RNF212: variants seen among roughly 807,000 people sequenced by gnomAD.
RNF212 encodes the protein ring finger protein 212.
Under a neutral mutation model 34.7 loss-of-function variants are expected in RNF212, and 33 were observed. The ratio of observed to expected loss-of-function variants is 0.95; its 90% confidence interval spans 0.72 to 1.27. The LOEUF is 1.27. Among genes scored for constraint, RNF212 ranks in the 50% most tolerant of loss-of-function variants. The pLI is 0.00. For synonymous variants in RNF212, 140 were observed against 136.1 expected (o/e 1.03, Z -0.20); for missense variants, 377 against 362.2 (o/e 1.04, Z -0.33).
At chr4:1,056,419 C>T in exon 5 of RNF212, 1 of 671,696 alleles carries the variant, frequency 1.5e-6, no homozygotes, top group Non-Finnish European at 1.8e-6. Context: ...GGTGTCACTG[C>T]CCCAAGGTGA....
At chr4:1,084,330 T>A (rs1186217693) in intron 5 of RNF212, among the ~76,000 whole-genome samples, 1 of 152,208 alleles carries the variant, frequency 6.6e-6, no homozygotes, top group Non-Finnish European at 1.5e-5. Context: ...TGCAAAGGGC[T>A]AGCTAGTAAA....
chr4:1,061,221 C>A (rs1180608922), intron 3 of RNF212, among the ~76,000 whole-genome samples: 7 of 152,290 alleles, frequency 4.6e-5, no homozygotes, highest in African/African-American at 1.4e-4. Flanking sequence ...TGCTCCACCT[C>A]CCCCTACCCC....
intron 1 of RNF212, among the ~76,000 whole-genome samples, chr4:1,109,972 C>T (rs1406534460): frequency 6.6e-6 from 1 of 152,186 alleles, no homozygotes; most frequent in Non-Finnish European, 1.5e-5. Flanking sequence ...AAAACATCTA[C>T]CCTTGACAGT....
In RNF212 at chr4:1,072,233, G is replaced by A. The variant is rs1028170475; in HGVS notation, c.*641C>T. ...AGGGACCGTAAAAAGATCAGTGGCT[G>A]TCAAGGGTTGGTGGGAGGTGGGGGA... On this transcript the variant is annotated 3_prime_UTR_variant, in exon 10 of 10. Transcript: ENST00000433731. The A allele has an allele frequency of 1.3e-5, 2 of 152,008 alleles. No individual in the cohort carries two copies. The highest frequency in any genetic ancestry group is 2.4e-5 in the African/African-American group (1 of 41,230). The allele number at this position is 152,008 out of a possible 1,614,324, so 9.4% of individuals were successfully genotyped here. A position where few individuals can be genotyped will look rare whatever the true frequency, so the allele number is the denominator to read the frequency against.
At chr4:1,066,855 T>C (rs1043204224), downstream of RNF212, among the ~76,000 whole-genome samples, 1 of 152,196 alleles carries the variant, frequency 6.6e-6, no homozygotes, top group Middle Eastern at 3.2e-3. Context: ...TGGTATCATA[T>C]CCAGGAAATC....
At chr4:1,076,598 G>C (rs1443851318) in intron 8 of RNF212, among the ~76,000 whole-genome samples, 1 of 152,214 alleles carries the variant, frequency 6.6e-6, no homozygotes, top group Non-Finnish European at 1.5e-5. Flanking sequence ...CTCAGGCTGA[G>C]GGTTACCAGG....
intron 3 of RNF212, among the ~76,000 whole-genome samples, chr4:1,062,959 G>A (rs1184839792): frequency 1.3e-5 from 2 of 152,164 alleles, no homozygotes; most frequent in Non-Finnish European, 2.9e-5. Context: ...ATTTATAGTA[G>A]CACCAAAATA....
rs988356343 is a variant in RNF212 at position 1,056,409 on chromosome 4, G to C, written n.315C>G. 1.7e-5 allele frequency: 9 copies of C among 534,712 alleles called. No individual in the cohort carries two copies. The African/African-American group carries it at 1.9e-4, about 11-fold the overall frequency. The allele number at this position is 534,712 out of a possible 1,614,324, so 33.1% of individuals were successfully genotyped here. ...CGGGTGGCTGGGTGCTCATCTTTCA[G>C]GTGTCACTGCCCCAAGGTGAGCAGG... On this transcript the variant is annotated non_coding_transcript_exon_variant, in exon 5 of 5. Coordinates refer to the RNF212 transcript ENST00000503206.
rs559860091 is a variant in RNF212, at chr4:1,058,670, T to G, written n.148-277A>C. 4.6e-5 allele frequency among the ~76,000 whole-genome samples: 7 copies of G among 152,322 alleles called. No homozygotes were observed. The South Asian group carries it at 1.4e-3, about 32-fold the overall frequency. On this transcript the variant is annotated intron_variant and non_coding_transcript_variant, in intron 3 of 4. Coordinates refer to the RNF212 transcript ENST00000503206. ...TTCTACCTTTATGCACCTCTGCAGC[T>G]TAGAGAATATGTAAGCCATCTGAAT...
At chr4:1,070,381 G>A (rs112655611), downstream of RNF212, among the ~76,000 whole-genome samples, 258 of 113,416 alleles carry the variant, frequency 2.3e-3, no homozygotes, top group Admixed American at 3.0e-3. Flanking sequence ...GTCAGCGTGG[G>A]TGCCTGGCCT....
chr4:1,062,620 G>T lies in RNF212; in HGVS notation n.148-4227C>A, dbSNP rs966582155. ...ACAAGGATGTCTGTTCTTGCCGCTT[G>T]TATTCAACACTGTATTGAAAGTTCC... On this transcript the variant is annotated intron_variant and non_coding_transcript_variant, in intron 3 of 4. Coordinates refer to the RNF212 transcript ENST00000503206. Among the ~76,000 whole-genome samples the T allele has an allele frequency of 2.6e-5, 4 of 152,196 alleles. No homozygotes were observed. The East Asian group carries it at 5.8e-4, about 22-fold the overall frequency.
At chr4:1,092,360 T>C (rs1722320911) in intron 3 of RNF212, among the ~76,000 whole-genome samples, 1 of 152,174 alleles carries the variant, frequency 6.6e-6, no homozygotes, top group Admixed American at 6.5e-5. Context: ...GGGTGAGTTC[T>C]ACTGAGGGTG....
At chr4:1,073,716 G>A in intron 8 of RNF212, 54 bp from the exon 9 acceptor site, 1 of 1,177,662 alleles carries the variant, frequency 8.5e-7, no homozygotes, top group Non-Finnish European at 1.3e-6. Context: ...CGGCTTACGA[G>A]ATTCGGACTC....
intron 3 of RNF212, among the ~76,000 whole-genome samples, chr4:1,094,822 C>G (rs1722790241): frequency 6.6e-6 from 1 of 152,170 alleles, no homozygotes; most frequent in East Asian, 1.9e-4. Context: ...GGGGAGGGGG[C>G]ATCTTGCGCA....
intron 3 of RNF212, among the ~76,000 whole-genome samples, chr4:1,058,804 G>A (rs1040488502): frequency 1.1e-4 from 17 of 152,180 alleles, no homozygotes; most frequent in African/African-American, 3.9e-4. Context: ...GAGCCTGCCC[G>A]TCACGGGGGC....
At chr4:1,087,523 TG>T (rs151308849) in intron 4 of RNF212, among the ~76,000 whole-genome samples, 1 of 10,024 alleles carries the variant, frequency 1.0e-4, no homozygotes, top group Non-Finnish European at 2.4e-4. Flanking sequence ...CAGGATGAGG[TG>T]GGGGGGTGAC....
At chr4:1,093,751 A>G (rs1323954843) in intron 3 of RNF212, 12 of 1,536,114 alleles carry the variant, frequency 7.8e-6, no homozygotes, top group African/African-American at 5.5e-5. Context: ...TCTGGCCCCA[A>G]GGGGACTTGG....
downstream of RNF212, among the ~76,000 whole-genome samples, chr4:1,066,542 G>A (rs1044038433): frequency 5.9e-5 from 9 of 152,170 alleles, no homozygotes; most frequent in Non-Finnish European, 1.0e-4. Context: ...TGTTGCCCAG[G>A]CTGGTCTCGA....
intron 3 of RNF212, chr4:1,093,912 T>C (rs1000620537): frequency 3.9e-6 from 6 of 1,536,230 alleles, no homozygotes; most frequent in Non-Finnish European, 5.2e-6. Context: ...TGGGGATCTC[T>C]GGCTGCTGCT....
Sources: gnomAD v4.1 joint callset for allele counts (sites outside exome capture counted in the v4.1 genomes callset) on GRCh38, gnomAD v4.1.1 for gene constraint, MANE v1.5 for transcripts, NCBI Gene and HGNC (gene_info 2026-07-23, HGNC 2026-07-21) for gene names.